Variants in KALRN observed in about 807,000 individuals in gnomAD.
The protein encoded by KALRN is kalirin.
KALRN carries 70 observed loss-of-function variants against 353.7 expected under a neutral mutation model. The ratio of observed to expected loss-of-function variants is 0.20; its 90% CI spans 0.16 to 0.24. The LOEUF (loss-of-function observed/expected upper bound fraction) is 0.24, where lower values mean the gene tolerates loss of function less well. Among genes scored for constraint, KALRN ranks in the 10% least tolerant of loss-of-function variants. KALRN has a pLI of 1.00. For missense variants in KALRN, 2,791 were observed against 3,756.7 expected (o/e 0.74, Z 6.72); for synonymous variants, 1,391 against 1,434.8 (o/e 0.97, Z 0.69).
intron 33 of KALRN, chr3:124,519,342 C>T: frequency 1.0e-6 from 1 of 985,398 alleles, no homozygotes; most frequent in Non-Finnish European, 1.2e-6. Flanking sequence ...TTTTAAAAGT[C>T]CTCCAGTTTC....
chr3:124,264,625 A>G lies in KALRN; in HGVS notation c.391A>G (p.Ile131Val). The change falls in exon 4 of 60, where the codon ATT becomes GTT. Residue 131 changes from isoleucine (I) to valine (V), a missense_variant. Transcript: ENST00000682506. ...FPAEIHVALI[I>V]KPDNFWQKQK... Reference sequence around the variant, plus strand: ...AGCTGAGATCCATGTGGCCCTCATCATTAAACCCGACAACTTCTGGCAGAA... The same window carrying G: ...AGCTGAGATCCATGTGGCCCTCATCGTTAAACCCGACAACTTCTGGCAGAA... The G allele has an allele frequency of 6.2e-7, 1 of 1,614,178 alleles. No individual in the cohort carries two copies. Among genetic ancestry groups the G allele is most frequent in the Non-Finnish European group, 8.5e-7 (1 of 1,180,026 alleles).
At chr3:124,521,771 C>G (rs184235620) in intron 33 of KALRN, among the ~76,000 whole-genome samples, 3 of 152,120 alleles carry the variant, frequency 2.0e-5, no homozygotes, top group Non-Finnish European at 4.4e-5. Flanking sequence ...CATGCTGTAG[C>G]GACACTGACT....
intron 33 of KALRN, among the ~76,000 whole-genome samples, chr3:124,544,617 TG>T (rs949257510): frequency 4.5e-4 from 68 of 151,070 alleles, no homozygotes; most frequent in African/African-American, 1.6e-3. Flanking sequence ...GATATATCTA[TG>T]TATATCTATA....
At chr3:124,120,402 C>T (rs2063861741) in intron 1 of KALRN, among the ~76,000 whole-genome samples, 1 of 152,136 alleles carries the variant, frequency 6.6e-6, no homozygotes, top group African/African-American at 2.4e-5. Context: ...GACTTTATTC[C>T]TCTCTCAAAA....
At chr3:124,327,214 A>G (rs2080009245) in intron 7 of KALRN, among the ~76,000 whole-genome samples, 2 of 152,230 alleles carry the variant, frequency 1.3e-5, no homozygotes, top group Non-Finnish European at 2.9e-5. Flanking sequence ...TCCTGTGTAT[A>G]GCTGTTACGT....
chr3:124,441,914 G>A (rs762468046), intron 18 of KALRN, 31 bp from the exon 19 acceptor site: 1 of 1,404,480 alleles, frequency 7.1e-7, no homozygotes, highest in Admixed American at 1.9e-5. Context: ...CACCTGCTGG[G>A]ACAGGGGCCT....
intron 5 of KALRN, among the ~76,000 whole-genome samples, chr3:124,286,087 C>CTTTCTTTCTT (rs2075824934): frequency 2.4e-5 from 3 of 124,020 alleles, no homozygotes; most frequent in Non-Finnish European, 3.4e-5. Flanking sequence ...TCCTTCCTTT[C>CTTTCTTTCTT]TTTCTTTCTT....
intron 6 of KALRN, among the ~76,000 whole-genome samples, chr3:124,308,119 G>GT (rs766192608): frequency 3.9e-5 from 6 of 152,076 alleles, no homozygotes; most frequent in Middle Eastern, 3.4e-3. Context: ...TCAGGAAGAT[G>GT]TAACAACTAT....
intron 1 of KALRN, among the ~76,000 whole-genome samples, chr3:124,187,158 G>T (rs1479476263): frequency 6.6e-6 from 1 of 152,152 alleles, no homozygotes; most frequent in African/African-American, 2.4e-5. Flanking sequence ...TCAGCTCGCT[G>T]CAAACTCTTC....
At chr3:124,242,367 T>C (rs2080568428) in intron 3 of KALRN, among the ~76,000 whole-genome samples, 1 of 152,188 alleles carries the variant, frequency 6.6e-6, no homozygotes, top group Admixed American at 6.5e-5. Context: ...CGTAGAGAGA[T>C]GAAGTACTTG....
chr3:124,208,965 CAAT>C lies in KALRN; in HGVS notation c.74-19006_74-19004del, dbSNP rs757968593. On this transcript the variant is annotated intron_variant, in intron 1 of 59. Transcript: ENST00000682506. Reference sequence around the variant, plus strand: ...TGGGTGACAGAGTGAGACTCTGTCTCAATAATAATAATAATAATAATCATCATC... The same window carrying C: ...TGGGTGACAGAGTGAGACTCTGTCTCAATAATAATAATAATAATCATCATC... Among the ~76,000 whole-genome samples the C allele has an allele frequency of 4.6e-4, 69 of 151,040 alleles. No homozygotes were observed. The South Asian group carries it at 7.2e-3, about 16-fold the overall frequency.
chr3:124,123,933 A>AC (rs1161980245), intron 1 of KALRN, among the ~76,000 whole-genome samples: 1 of 152,232 alleles, frequency 6.6e-6, no homozygotes, highest in Non-Finnish European at 1.5e-5. Context: ...ACACCTGGTC[A>AC]CCCCAGAGCT....
intron 51 of KALRN, among the ~76,000 whole-genome samples, chr3:124,689,201 A>G (rs915019849): frequency 3.3e-5 from 5 of 152,040 alleles, no homozygotes; most frequent in African/African-American, 9.7e-5. Context: ...TATTTCGTCT[A>G]TGTTTTCTTT....
chr3:124,503,451 C>CTT (rs5852407), intron 33 of KALRN, among the ~76,000 whole-genome samples: 6,544 of 148,862 alleles, frequency 0.044, 192 homozygotes, highest in East Asian at 0.11. Context: ...ATTGTAATTT[C>CTT]TTTTTTTTTT....
intron 1 of KALRN, among the ~76,000 whole-genome samples, chr3:124,189,314 A>G (rs960702158): frequency 2.0e-5 from 3 of 152,188 alleles, no homozygotes; most frequent in Non-Finnish European, 4.4e-5. Context: ...GTGTTCTGAG[A>G]CACTAATAAA....
intron 34 of KALRN, among the ~76,000 whole-genome samples, chr3:124,610,837 C>A (rs1263604069): frequency 8.8e-6 from 1 of 113,604 alleles, no homozygotes; most frequent in African/African-American, 4.2e-5. Flanking sequence ...ATAGTAGGAC[C>A]CCGTCCCTAC....
At chr3:124,697,097 T>C (rs995474283) in intron 54 of KALRN, among the ~76,000 whole-genome samples, 3 of 152,136 alleles carry the variant, frequency 2.0e-5, no homozygotes, top group Non-Finnish European at 4.4e-5. Context: ...TTTTTTAAAC[T>C]TTTTGTAGTG....
intron 10 of KALRN, among the ~76,000 whole-genome samples, chr3:124,368,560 C>G (rs573553406): frequency 6.7e-6 from 1 of 148,200 alleles, no homozygotes; most frequent in African/African-American, 2.5e-5. Flanking sequence ...CGGGCGGAGA[C>G]GCTCCTCACT....
rs531099904 is a variant in KALRN at position 124,460,357 on chromosome 3, G to A, written c.3855-1533G>A. ...CAACAAATAGCCAGAAGAGATTAAA[G>A]GATGGGTGGAAAATAAAATGGGGTG... On this transcript the variant is annotated intron_variant, in intron 23 of 59. Transcript: ENST00000682506. 9.8e-5 allele frequency among the ~76,000 whole-genome samples: 15 copies of A among 152,312 alleles called. 1 individual carries two copies. The highest frequency in any genetic ancestry group is 3.9e-4 in the East Asian group (2 of 5,190).
Sources: allele counts gnomAD v4.1 joint callset (sites outside exome capture counted in the v4.1 genomes callset), GRCh38; gene constraint gnomAD v4.1.1; transcripts MANE v1.5; gene names NCBI Gene and HGNC (gene_info 2026-07-23, HGNC 2026-07-21).